Variants in KCND2 observed in about 807,000 individuals in gnomAD.
KCND2 encodes potassium voltage-gated channel subfamily D member 2.
Under a neutral mutation model 54.4 loss-of-function variants are expected in KCND2, and 16 were observed. The ratio of observed to expected loss-of-function variants is 0.29; its 90% CI spans 0.20 to 0.45. KCND2 has a LOEUF of 0.45. Ranked by LOEUF, KCND2 falls within the 20% of genes least tolerant of loss-of-function variation. The pLI, the probability that KCND2 is intolerant of heterozygous loss-of-function variation, is 1.00. For synonymous variants in KCND2, 317 were observed against 310.7 expected (o/e 1.02, Z -0.21); for missense variants, 486 against 824.2 (o/e 0.59, Z 5.02).
intron 1 of KCND2, among the ~76,000 whole-genome samples, chr7:120,516,775 A>G (rs181440656): frequency 1.5e-4 from 23 of 152,276 alleles, no homozygotes; most frequent in African/African-American, 4.6e-4. Context: ...GAAAATACAA[A>G]TACATAAACT....
intron 1 of KCND2, among the ~76,000 whole-genome samples, chr7:120,310,125 C>T (rs1799715627): frequency 6.6e-6 from 1 of 152,168 alleles, no homozygotes; most frequent in African/African-American, 2.4e-5. Flanking sequence ...TATCACTGTA[C>T]TCCTGAGAGA....
chr7:120,360,908 C>G lies in KCND2; in HGVS notation c.1115+85161C>G, dbSNP rs151237380. Among the ~76,000 whole-genome samples, 294 of 152,122 alleles carry G rather than the reference C, an allele frequency of 1.9e-3. 1 individual carries two copies. The highest frequency in any genetic ancestry group is 6.9e-3 in the African/African-American group (288 of 41,512). On this transcript the variant is annotated intron_variant, in intron 1 of 5. Coordinates refer to ENST00000331113, the MANE Select transcript of KCND2 (RefSeq NM_012281.3). ...TTTGTTTTTCTTTTTCTACTTTGTG[C>G]TATTTATGAGCATAATCTGTAAGCA...
At chr7:120,585,966 A>G (rs892317263) in intron 1 of KCND2, among the ~76,000 whole-genome samples, 1 of 152,196 alleles carries the variant, frequency 6.6e-6, no homozygotes, top group African/African-American at 2.4e-5. Flanking sequence ...TTGATCCTTC[A>G]GCAGTCATAT....
intron 1 of KCND2, among the ~76,000 whole-genome samples, chr7:120,539,140 G>T (rs56124137): frequency 0.038 from 5,765 of 152,142 alleles, 126 homozygotes; most frequent in Non-Finnish European, 0.056. Flanking sequence ...AAGAAGGGTT[G>T]ATTATAACCA....
intron 1 of KCND2, among the ~76,000 whole-genome samples, chr7:120,323,519 A>T (rs963600646): frequency 6.6e-6 from 1 of 150,600 alleles, no homozygotes; most frequent in African/African-American, 2.5e-5. Context: ...TCATTGTTCA[A>T]TTCCCACCTA....
intron 1 of KCND2, among the ~76,000 whole-genome samples, chr7:120,558,437 C>A (rs143636344): frequency 3.3e-5 from 5 of 152,096 alleles, no homozygotes; most frequent in Non-Finnish European, 7.4e-5. Context: ...ACAAACACAT[C>A]CTCACCCTAA....
chr7:120,468,700 A>T (rs1473857541), intron 1 of KCND2, among the ~76,000 whole-genome samples: 2 of 152,148 alleles, frequency 1.3e-5, no homozygotes, highest in African/African-American at 4.8e-5. Flanking sequence ...TGTATTTTTT[A>T]ACATTGAATT....
At chr7:120,470,194 TAATAA>T (rs1237093801) in intron 1 of KCND2, among the ~76,000 whole-genome samples, 1 of 152,030 alleles carries the variant, frequency 6.6e-6, no homozygotes, top group Non-Finnish European at 1.5e-5. Context: ...AGTAACAAAT[TAATAA>T]AGTTCAAGGC....
chr7:120,352,010 C>T (rs558217625), intron 1 of KCND2, among the ~76,000 whole-genome samples: 2 of 152,168 alleles, frequency 1.3e-5, no homozygotes, highest in African/African-American at 2.4e-5. Flanking sequence ...CAGGGTTTCA[C>T]CATGTTGGCC....
intron 1 of KCND2, among the ~76,000 whole-genome samples, chr7:120,502,290 A>G (rs1802948598): frequency 6.6e-6 from 1 of 151,730 alleles, no homozygotes; most frequent in African/African-American, 2.4e-5. Flanking sequence ...TCCTTCCCCT[A>G]TGCTAAGCTT....
chr7:120,670,945 G>A (rs918478087), intron 1 of KCND2, among the ~76,000 whole-genome samples: 9 of 151,242 alleles, frequency 6.0e-5, no homozygotes, highest in African/African-American at 2.2e-4. Context: ...GAAAAGGGAT[G>A]AATGTACAAC....
At chr7:120,542,953 C>T (rs1201412053) in intron 1 of KCND2, among the ~76,000 whole-genome samples, 1 of 152,000 alleles carries the variant, frequency 6.6e-6, no homozygotes, top group Non-Finnish European at 1.5e-5. Context: ...CTTACTCTTA[C>T]GGAAAGTCAA....
chr7:120,642,025 A>G (rs1793383032), intron 1 of KCND2, among the ~76,000 whole-genome samples: 1 of 152,038 alleles, frequency 6.6e-6, no homozygotes, highest in African/African-American at 2.4e-5. Flanking sequence ...CAAAAATATT[A>G]CTGAATAAAA....
intron 1 of KCND2, among the ~76,000 whole-genome samples, chr7:120,281,441 AAC>A (rs1389118800): frequency 1.0e-4 from 14 of 134,020 alleles, no homozygotes; most frequent in East Asian, 2.3e-4. Flanking sequence ...AAAAAAAAAA[AAC>A]CCCAGGGTGA....
chr7:120,542,430 T>G (rs1791990198), intron 1 of KCND2, among the ~76,000 whole-genome samples: 1 of 152,160 alleles, frequency 6.6e-6, no homozygotes, highest in South Asian at 2.1e-4. Context: ...CTTCTCCAAG[T>G]GTATAAGTTT....
chr7:120,439,025 G>C (rs531246060), intron 1 of KCND2, among the ~76,000 whole-genome samples: 30 of 152,126 alleles, frequency 2.0e-4, no homozygotes, highest in African/African-American at 6.5e-4. Flanking sequence ...GTCAATAGTG[G>C]AATAGCTATA....
At chr7:120,278,674 T>A (rs919777004) in intron 1 of KCND2, among the ~76,000 whole-genome samples, 5 of 151,766 alleles carry the variant, frequency 3.3e-5, no homozygotes, top group Non-Finnish European at 7.4e-5. Flanking sequence ...TGTATTTGTA[T>A]CACCATTTTA....
intron 1 of KCND2, among the ~76,000 whole-genome samples, chr7:120,552,283 A>G (rs1792112995): frequency 1.3e-5 from 2 of 152,212 alleles, no homozygotes; most frequent in South Asian, 4.1e-4. Context: ...AGAGTAACTA[A>G]TAGTGAGAAC....
At chr7:120,724,614 G>T (rs1327677271) in intron 1 of KCND2, among the ~76,000 whole-genome samples, 1 of 152,162 alleles carries the variant, frequency 6.6e-6, no homozygotes, top group East Asian at 1.9e-4. Context: ...CTTTCCTGCA[G>T]GTGATGGAGA....
Sources: allele counts gnomAD v4.1 joint callset (sites outside exome capture counted in the v4.1 genomes callset), GRCh38; gene constraint gnomAD v4.1.1; transcripts MANE v1.5; gene names NCBI Gene and HGNC (gene_info 2026-07-23, HGNC 2026-07-21).